Variants in AFAP1 observed in about 807,000 individuals in gnomAD.
AFAP1 encodes actin filament associated protein 1, also known as actin filament-associated protein 1.
Under a neutral mutation model 93.9 loss-of-function variants are expected in AFAP1, and 75 were observed. The observed-to-expected ratio is 0.80, with a 90% CI of 0.66 to 0.97. AFAP1 has a LOEUF of 0.97. Ranked by LOEUF, AFAP1 falls within the 50% of genes least tolerant of loss-of-function variation. The pLI is 0.00. For synonymous variants in AFAP1, 517 were observed against 430.7 expected (o/e 1.20, Z -2.48); for missense variants, 1,201 against 1,050.8 (o/e 1.14, Z -1.98).
At chr4:7,919,282 C>A (rs1720304130) in intron 1 of AFAP1, among the ~76,000 whole-genome samples, 1 of 152,222 alleles carries the variant, frequency 6.6e-6, no homozygotes, top group African/African-American at 2.4e-5. Flanking sequence ...CTAGCAAATG[C>A]AAAACAGAGC....
intron 14 of AFAP1, chr4:7,775,662 C>T (rs547351494): frequency 2.0e-5 from 3 of 152,256 alleles, no homozygotes; most frequent in Admixed American, 6.5e-5. Flanking sequence ...CAACCAGGAG[C>T]GGTATCTGGA....
At chr4:7,814,792 G>A (rs1278405425) in intron 8 of AFAP1, among the ~76,000 whole-genome samples, 1 of 152,238 alleles carries the variant, frequency 6.6e-6, no homozygotes, top group Non-Finnish European at 1.5e-5. Flanking sequence ...AGGGGCTGGG[G>A]GGTTAGAGCC....
chr4:7,925,062 G>A (rs1022068739), intron 1 of AFAP1, among the ~76,000 whole-genome samples: 2 of 152,004 alleles, frequency 1.3e-5, no homozygotes, highest in African/African-American at 4.8e-5. Context: ...ACTTGCATGT[G>A]AGTCTCTGCC....
At chr4:7,805,439 A>C (rs182354130) in intron 9 of AFAP1, among the ~76,000 whole-genome samples, 1 of 152,228 alleles carries the variant, frequency 6.6e-6, no homozygotes, top group Admixed American at 6.5e-5. Context: ...CGTTGCATTT[A>C]CTGTGCCTTG....
intron 15 of AFAP1, chr4:7,774,235 T>A (rs1715841942): frequency 6.5e-6 from 1 of 153,556 alleles, no homozygotes. Flanking sequence ...TAGCCTGGCC[T>A]CTTCCCTGAT....
intron 15 of AFAP1, chr4:7,774,101 C>A: frequency 6.6e-6 from 1 of 152,626 alleles, no homozygotes; most frequent in Non-Finnish European, 1.5e-5. Flanking sequence ...GGTGCCACCC[C>A]AGGCTCAGGA....
intron 6 of AFAP1, among the ~76,000 whole-genome samples, chr4:7,823,393 A>G (rs146538612): frequency 6.6e-6 from 1 of 152,224 alleles, no homozygotes; most frequent in African/African-American, 2.4e-5. Flanking sequence ...AAGCTTCCCC[A>G]GTCCTCGGCA....
chr4:7,785,735 A>G (rs1717197307), intron 12 of AFAP1, among the ~76,000 whole-genome samples: 1 of 152,078 alleles, frequency 6.6e-6, no homozygotes, highest in Admixed American at 6.5e-5. Context: ...CCAGGAGTTC[A>G]AGACTGGCCT....
Position 7,855,528 on chromosome 4 carries a change from T to C in AFAP1, c.272A>G (p.Glu91Gly). Residue 91 changes from glutamate (E) to glycine (G), a missense_variant, in exon 4 of 18, where the codon GAA becomes GGA. Glu to Gly is a moderately conservative substitution (Grantham distance 98). Coordinates refer to ENST00000420658, the MANE Select transcript of AFAP1 (RefSeq NM_001134647.2). ...PPPLPTSSLP[E>G]GYYEEAVPLS... ...CGGCACAGCTTCCTCATAATAACCT[T>C]CTGGGAGGGAGGATGTTGGCAATGG... 1.2e-6 allele frequency: 2 copies of C among 1,613,896 alleles called. No homozygotes were observed. The highest frequency in any genetic ancestry group is 1.7e-6 in the Non-Finnish European group (2 of 1,179,942).
intron 1 of AFAP1, among the ~76,000 whole-genome samples, chr4:7,874,333 G>A (rs1434873208): frequency 6.7e-6 from 1 of 148,618 alleles, no homozygotes; most frequent in South Asian, 2.1e-4. Context: ...CTACCTATCT[G>A]TGGGAGGTCA....
chr4:7,936,868 A>C (rs779026375), intron 1 of AFAP1, among the ~76,000 whole-genome samples: 38 of 152,314 alleles, frequency 2.5e-4, no homozygotes, highest in Admixed American at 1.3e-4. Context: ...GGCGTGAGCC[A>C]CCACACCTGG....
chr4:7,832,958 G>C (rs1313386925), intron 6 of AFAP1, among the ~76,000 whole-genome samples: 1 of 152,144 alleles, frequency 6.6e-6, no homozygotes, highest in Non-Finnish European at 1.5e-5. Flanking sequence ...TCATGTAGGA[G>C]AATGAAACTG....
intron 12 of AFAP1, among the ~76,000 whole-genome samples, chr4:7,782,925 T>TA (rs1363437293): frequency 6.6e-6 from 1 of 152,198 alleles, no homozygotes; most frequent in Non-Finnish European, 1.5e-5. Flanking sequence ...CCAGAGTTAT[T>TA]AAAACGGTCT....
At chr4:7,917,166 G>C (rs571263532) in intron 1 of AFAP1, among the ~76,000 whole-genome samples, 1 of 152,276 alleles carries the variant, frequency 6.6e-6, no homozygotes, top group East Asian at 1.9e-4. Context: ...CTGGCGCACA[G>C]ACCCTGTCAC....
chr4:7,761,412 G>A lies in AFAP1; in HGVS notation c.*2353C>T, dbSNP rs1268275606. The A allele has an allele frequency of 6.6e-6, 1 of 152,240 alleles. No homozygotes were observed. The highest frequency in any genetic ancestry group is 1.5e-5 in the Non-Finnish European group (1 of 68,052). 9.4% of individuals were successfully genotyped at this position (152,240 alleles called of 1,614,324 possible). A position where few individuals can be genotyped will look rare whatever the true frequency, so the allele number is the denominator to read the frequency against. Reference sequence around the variant, plus strand: ...CAACAAAATATGCATGCTGGGAGTCGAGCACCAATCAGCTGTGCCGTTGGG... The same window carrying A: ...CAACAAAATATGCATGCTGGGAGTCAAGCACCAATCAGCTGTGCCGTTGGG... On this transcript the variant is annotated 3_prime_UTR_variant, in exon 18 of 18. Transcript: ENST00000420658.
chr4:7,934,105 T>C (rs549144491), intron 1 of AFAP1, among the ~76,000 whole-genome samples: 1 of 152,318 alleles, frequency 6.6e-6, no homozygotes, highest in East Asian at 1.9e-4. Context: ...GATAGACTTG[T>C]TCTGACAGAA....
chr4:7,869,687 G>A (rs866539077), intron 2 of AFAP1, among the ~76,000 whole-genome samples: 1 of 152,124 alleles, frequency 6.6e-6, no homozygotes. Context: ...TAAAAATACT[G>A]ACTTAACAAC....
intron 11 of AFAP1, among the ~76,000 whole-genome samples, chr4:7,787,468 G>A (rs1020436748): frequency 6.6e-6 from 1 of 152,222 alleles, no homozygotes; most frequent in Non-Finnish European, 1.5e-5. Flanking sequence ...TGATATCCTG[G>A]ACCTGTGACT....
At position 7,790,807 on chromosome 4, in the gene AFAP1, T is replaced by C. The variant is rs115478592; in HGVS notation, c.1412+2874A>G. Among the ~76,000 whole-genome samples, 245 of 152,294 alleles carry C rather than the reference T, an allele frequency of 1.6e-3. 1 individual carries two copies. The highest frequency in any genetic ancestry group is 5.7e-3 in the African/African-American group (238 of 41,564). On this transcript the variant is annotated intron_variant, in intron 11 of 17. Transcript: ENST00000420658. The stretch of plus-strand genomic sequence containing the variant: ...AACGGTAAGTACTAGACTACATCTA[T>C]CCTGATTTCCACACAAAAGGACAGT...
Sources: gnomAD v4.1 joint callset for allele counts (sites outside exome capture counted in the v4.1 genomes callset) on GRCh38, gnomAD v4.1.1 for gene constraint, MANE v1.5 for transcripts, NCBI Gene and HGNC (gene_info 2026-07-23, HGNC 2026-07-21) for gene names.